Variants in CSMD3 observed in about 807,000 individuals in gnomAD.
The protein encoded by CSMD3 is CUB and Sushi multiple domains 3.
Under a neutral mutation model 435.2 loss-of-function variants are expected in CSMD3, and 177 were observed. The ratio of observed to expected loss-of-function variants is 0.41; its 90% CI spans 0.36 to 0.46. The LOEUF (loss-of-function observed/expected upper bound fraction) is 0.46, where lower values mean the gene tolerates loss of function less well. Among genes scored for constraint, CSMD3 ranks in the 20% least tolerant of loss-of-function variants. The pLI, the probability that CSMD3 is intolerant of heterozygous loss-of-function variation, is 0.34. For synonymous variants in CSMD3, 1,656 were observed against 1,520.5 expected (o/e 1.09, Z -2.07); for missense variants, 4,265 against 4,504.6 (o/e 0.95, Z 1.52).
chr8:112,726,182 C>CTGG (rs748743305), intron 13 of CSMD3, among the ~76,000 whole-genome samples: 2 of 152,064 alleles, frequency 1.3e-5, no homozygotes, highest in Non-Finnish European at 2.9e-5. Flanking sequence ...TTACCTCCAC[C>CTGG]TGGTCTCTCA....
chr8:112,883,831 G>A (rs1239369294), intron 10 of CSMD3, among the ~76,000 whole-genome samples: 1 of 150,874 alleles, frequency 6.6e-6, no homozygotes, highest in African/African-American at 2.4e-5. Context: ...TTAATATTTT[G>A]CCAATTGTCA....
At chr8:113,078,445 C>T (rs752071222) in intron 5 of CSMD3, among the ~76,000 whole-genome samples, 27 of 152,176 alleles carry the variant, frequency 1.8e-4, no homozygotes, top group South Asian at 4.2e-4. Flanking sequence ...ACATGAAACA[C>T]GTTCTATGCT....
At chr8:113,195,494 G>A (rs2092640837) in intron 3 of CSMD3, among the ~76,000 whole-genome samples, 1 of 150,630 alleles carries the variant, frequency 6.6e-6, no homozygotes, top group Admixed American at 6.7e-5. Context: ...AGTTAAACAT[G>A]AATTTCAGAT....
intron 32 of CSMD3, among the ~76,000 whole-genome samples, chr8:112,436,124 T>A (rs925159902): frequency 1.3e-5 from 2 of 151,892 alleles, no homozygotes; most frequent in East Asian, 1.9e-4. Flanking sequence ...GAGGGAGCTG[T>A]CCCCAGAGAA....
intron 24 of CSMD3, among the ~76,000 whole-genome samples, chr8:112,572,533 A>T (rs978700506): frequency 6.6e-6 from 1 of 152,036 alleles, no homozygotes; most frequent in Non-Finnish European, 1.5e-5. Flanking sequence ...TGATACTGTA[A>T]CCTTTTTAAC....
intron 16 of CSMD3, among the ~76,000 whole-genome samples, chr8:112,677,921 A>G (rs1260634636): frequency 6.6e-6 from 1 of 152,098 alleles, no homozygotes; most frequent in African/African-American, 2.4e-5. Context: ...AGCACAATGG[A>G]TTGATTGTGG....
At chr8:112,882,299 A>G (rs999910407) in intron 10 of CSMD3, among the ~76,000 whole-genome samples, 2 of 152,004 alleles carry the variant, frequency 1.3e-5, no homozygotes, top group Non-Finnish European at 2.9e-5. Context: ...CTTCACCCTG[A>G]CAATGTAAAT....
At chr8:112,906,745 C>A (rs2130494952) in intron 10 of CSMD3, among the ~76,000 whole-genome samples, 1 of 151,646 alleles carries the variant, frequency 6.6e-6, no homozygotes, top group East Asian at 2.0e-4. Context: ...ATTCCAATAA[C>A]TTTAAAAAGT....
At chr8:112,722,111 A>G (rs768843139) in intron 13 of CSMD3, among the ~76,000 whole-genome samples, 3 of 152,028 alleles carry the variant, frequency 2.0e-5, no homozygotes, top group Non-Finnish European at 4.4e-5. Flanking sequence ...AGCTCACACA[A>G]TAATACATCA....
At chr8:113,239,502 C>CA (rs1342563072) in intron 3 of CSMD3, among the ~76,000 whole-genome samples, 1 of 138,970 alleles carries the variant, frequency 7.2e-6, no homozygotes, top group African/African-American at 2.7e-5. Context: ...GTAGTTTTAT[C>CA]TATCTATCTA....
intron 13 of CSMD3, among the ~76,000 whole-genome samples, chr8:112,755,445 T>G (rs1041436986): frequency 1.3e-5 from 2 of 151,466 alleles, no homozygotes; most frequent in African/African-American, 2.4e-5. Context: ...ATAAGAGTCT[T>G]TTCCCCCACT....
intron 20 of CSMD3, among the ~76,000 whole-genome samples, chr8:112,643,326 A>T (rs1187558376): frequency 6.6e-6 from 1 of 152,150 alleles, no homozygotes; most frequent in Non-Finnish European, 1.5e-5. Flanking sequence ...TTTCTGAAAC[A>T]CCATACGGAG....
In CSMD3 at chr8:113,363,738, C is replaced by T. The variant is rs1006455073; in HGVS notation, c.179-48945G>A. ...CCAGGGTAATCTCTTCATGTTAAGA[C>T]GCTTAACTTAATCATATCTACAAAG... On this transcript the variant is annotated intron_variant, in intron 1 of 70. Transcript: ENST00000297405. Among the ~76,000 whole-genome samples, 16 of 152,254 alleles carry T rather than the reference C, an allele frequency of 1.1e-4. No homozygotes were observed. In the East Asian group the frequency reaches 1.2e-3, roughly 11 times the overall value.
chr8:112,468,407 T>C (rs1818182839), intron 32 of CSMD3, among the ~76,000 whole-genome samples: 1 of 152,064 alleles, frequency 6.6e-6, no homozygotes, highest in Non-Finnish European at 1.5e-5. Flanking sequence ...ACTTTGACTG[T>C]CATCCTATAT....
intron 11 of CSMD3, among the ~76,000 whole-genome samples, chr8:112,837,814 C>T (rs566161036): frequency 2.6e-5 from 4 of 151,708 alleles, no homozygotes; most frequent in African/African-American, 7.2e-5. Context: ...ATAAGTCACT[C>T]TAATATTAAC....
At chr8:112,856,389 A>G (rs1483571098) in intron 11 of CSMD3, among the ~76,000 whole-genome samples, 2 of 151,920 alleles carry the variant, frequency 1.3e-5, no homozygotes, top group Non-Finnish European at 2.9e-5. Context: ...TCAACCATAT[A>G]ATGAAATATA....
intron 3 of CSMD3, among the ~76,000 whole-genome samples, chr8:113,253,879 C>A (rs1194733942): frequency 2.0e-5 from 3 of 151,710 alleles, no homozygotes; most frequent in East Asian, 3.9e-4. Flanking sequence ...AAACTTATGT[C>A]CTCGCTGTGA....
intron 3 of CSMD3, among the ~76,000 whole-genome samples, chr8:113,209,281 C>T (rs572128324): frequency 6.6e-6 from 1 of 152,112 alleles, no homozygotes; most frequent in Admixed American, 6.5e-5. Context: ...GGTCTTTGGC[C>T]TCTAAAAGGT....
intron 10 of CSMD3, among the ~76,000 whole-genome samples, chr8:112,875,447 G>T (rs999289782): frequency 8.5e-5 from 13 of 152,052 alleles, no homozygotes; most frequent in African/African-American, 3.1e-4. Flanking sequence ...TGTATTTCCT[G>T]TATTTGAATG....
Sources: allele counts gnomAD v4.1 joint callset (sites outside exome capture counted in the v4.1 genomes callset), GRCh38; gene constraint gnomAD v4.1.1; transcripts MANE v1.5; gene names NCBI Gene and HGNC (gene_info 2026-07-23, HGNC 2026-07-21).